The following SOX6 variants were observed in gnomAD, a reference collection of about 807,000 sequenced individuals.
SOX6 encodes transcription factor SOX-6.
SOX6 carries 11 observed loss-of-function variants against 97.8 expected under a neutral mutation model. That is an observed-to-expected ratio of 0.11 (90% CI 0.07 to 0.19). The LOEUF (loss-of-function observed/expected upper bound fraction) is 0.19. SOX6 is among the 10% of genes least tolerant of loss of function. The pLI is 1.00. For synonymous variants in SOX6, 360 were observed against 371.4 expected (o/e 0.97, Z 0.35); for missense variants, 810 against 1,039.5 (o/e 0.78, Z 3.04).
intron 6 of SOX6, among the ~76,000 whole-genome samples, chr11:16,130,854 A>G (rs751613777): frequency 3.3e-5 from 5 of 151,944 alleles, no homozygotes; most frequent in Non-Finnish European, 7.4e-5. Context: ...TAATGATGTC[A>G]AGATAATTCA....
chr11:16,738,237 T>G (rs1482473811), intron 1 of SOX6, among the ~76,000 whole-genome samples: 4 of 151,728 alleles, frequency 2.6e-5, no homozygotes, highest in Non-Finnish European at 5.9e-5. Flanking sequence ...GTAGAAGCCA[T>G]TTTTGGTTAA....
intron 10 of SOX6, among the ~76,000 whole-genome samples, chr11:16,051,835 A>G (rs1176436770): frequency 6.6e-6 from 1 of 152,028 alleles, no homozygotes; most frequent in Non-Finnish European, 1.5e-5. Flanking sequence ...CTGGGCCTCT[A>G]ATTGCATACA....
At chr11:16,709,120 G>A (rs764587036) in intron 3 of SOX6, among the ~76,000 whole-genome samples, 1 of 152,178 alleles carries the variant, frequency 6.6e-6, no homozygotes, top group Non-Finnish European at 1.5e-5. Flanking sequence ...TGTTGACAGA[G>A]GGGCCTGGTG....
intron 2 of SOX6, among the ~76,000 whole-genome samples, chr11:16,333,635 C>T (rs1023922850): frequency 6.6e-6 from 1 of 151,798 alleles, no homozygotes; most frequent in African/African-American, 2.4e-5. Flanking sequence ...ACATTTGAAT[C>T]CATTAAGAAA....
At chr11:16,402,093 GGT>G (rs2134443588) in intron 1 of SOX6, among the ~76,000 whole-genome samples, 1 of 151,378 alleles carries the variant, frequency 6.6e-6, no homozygotes, top group East Asian at 1.9e-4. Flanking sequence ...ACCCAGAAAG[GGT>G]GATTTGGTTT....
At chr11:16,005,575 C>T (rs1854525037) in intron 13 of SOX6, among the ~76,000 whole-genome samples, 3 of 152,022 alleles carry the variant, frequency 2.0e-5, no homozygotes, top group Admixed American at 2.0e-4. Flanking sequence ...GTCTGTAGCT[C>T]TCCAGCATGG....
At position 15,972,058 on chromosome 11, in the gene SOX6, A is replaced by G. The variant is rs1740226135; in HGVS notation, c.*751T>C. 2.0e-5 allele frequency: 3 copies of G among 152,854 alleles called. No homozygotes were observed. The highest frequency in any genetic ancestry group is 2.0e-4 in the Admixed American group (3 of 15,292). The allele number at this position is 152,854 out of a possible 1,614,324, so 9.5% of individuals were successfully genotyped here. ...TCAACAGGCAAACACAATTGGGTCCATGCACTGTGGCAACCTTGTTCATTC... is the reference window on the plus strand; with the variant it reads ...TCAACAGGCAAACACAATTGGGTCCGTGCACTGTGGCAACCTTGTTCATTC... On this transcript the variant is annotated 3_prime_UTR_variant, in exon 16 of 16. Coordinates refer to ENST00000683767, the MANE Select transcript of SOX6 (RefSeq NM_001367873.1).
chr11:16,234,584 T>C lies in SOX6; in HGVS notation c.533A>G (p.Lys178Arg). The change falls in exon 4 of 16, where the codon AAA becomes AGA. Residue 178 changes from lysine to arginine, a missense_variant and splice_region_variant. Around this residue, in one of 9 missense-constraint regions of SOX6, gnomAD observed 110 missense variants for 119.0 expected, o/e 0.92. Transcript: ENST00000683767. ...GTTCGATATATTTTATGTTGTACCT[T>C]TAATTTCTCCAAGAAGTTCACTGGT... is the stretch of plus-strand genomic sequence containing the variant. ...LNTSELLGEI[K>R]GTPESLAEKE... 12 of 1,559,196 alleles carry C rather than the reference T, an allele frequency of 7.7e-6. No homozygotes were observed. The highest frequency in any genetic ancestry group is 9.7e-6 in the Non-Finnish European group (11 of 1,134,098).
At chr11:16,353,509 A>C (rs775002266) in intron 1 of SOX6, among the ~76,000 whole-genome samples, 3 of 151,944 alleles carry the variant, frequency 2.0e-5, no homozygotes, top group Non-Finnish European at 2.9e-5. Context: ...ATACACACCA[A>C]ACAGTCTGGT....
chr11:16,005,535 A>G (rs1854523995), intron 13 of SOX6, among the ~76,000 whole-genome samples: 1 of 152,034 alleles, frequency 6.6e-6, no homozygotes, highest in Non-Finnish European at 1.5e-5. Flanking sequence ...GGGACATTTG[A>G]CAATTGTTTT....
chr11:16,472,563 C>T (rs1860156959), intron 1 of SOX6, among the ~76,000 whole-genome samples: 1 of 152,034 alleles, frequency 6.6e-6, no homozygotes, highest in Non-Finnish European at 1.5e-5. Flanking sequence ...ATAAGACTTA[C>T]ATCTAAAAAT....
intron 11 of SOX6, among the ~76,000 whole-genome samples, chr11:16,048,730 C>T (rs1847607844): frequency 6.6e-6 from 1 of 152,078 alleles, no homozygotes. Flanking sequence ...GACTTCAGGA[C>T]TCAATAATAC....
intron 6 of SOX6, among the ~76,000 whole-genome samples, chr11:16,132,497 A>C (rs202144332): frequency 0.077 from 7,391 of 96,218 alleles, 1,099 homozygotes; most frequent in Non-Finnish European, 0.083. Context: ...AGAAAGAAAG[A>C]AAGAAAGAAA....
chr11:16,543,307 C>T (rs369717754), intron 4 of SOX6, among the ~76,000 whole-genome samples: 6 of 151,840 alleles, frequency 4.0e-5, no homozygotes, highest in African/African-American at 1.2e-4. Flanking sequence ...CAAACTTTAA[C>T]GGTAATATCA....
intron 4 of SOX6, among the ~76,000 whole-genome samples, chr11:16,559,344 G>C (rs1445296539): frequency 6.6e-6 from 1 of 152,030 alleles, no homozygotes; most frequent in Non-Finnish European, 1.5e-5. Context: ...CAGCATCACA[G>C]TTCTAAAGAC....
intron 15 of SOX6, among the ~76,000 whole-genome samples, chr11:15,974,114 T>C (rs1853393524): frequency 6.6e-6 from 1 of 152,202 alleles, no homozygotes; most frequent in Admixed American, 6.5e-5. Flanking sequence ...TGAATTTGTT[T>C]CAAGTTGTCA....
chr11:16,183,570 G>A (rs1851395787), intron 6 of SOX6, among the ~76,000 whole-genome samples: 3 of 151,934 alleles, frequency 2.0e-5, no homozygotes. Flanking sequence ...AACAGAAAGT[G>A]GTCAGTGGCA....
In SOX6 at chr11:16,096,099, G is replaced by C; in HGVS notation, c.998C>G (p.Pro333Arg). 2 of 1,610,870 alleles carry C rather than the reference G, an allele frequency of 1.2e-6. No homozygotes were observed. The highest frequency in any genetic ancestry group is 2.2e-5 in the South Asian group (2 of 90,996). Residue 333 changes from proline to arginine, a missense_variant, in exon 9 of 16, where the codon CCA (proline) becomes CGA (arginine). By Grantham distance (103) the Pro-to-Arg change is moderately radical. Transcript: ENST00000683767. ...LQLQKGHVSH[P>R]QINQRLKGLS... ...GCCCTTTAGCCTTTGGTTAATTTGT[G>C]GGTGGGAGACATGACCCTTCTGTTT...
At chr11:16,206,358 A>G (rs558656416) in intron 4 of SOX6, among the ~76,000 whole-genome samples, 2 of 152,310 alleles carry the variant, frequency 1.3e-5, no homozygotes, top group East Asian at 3.9e-4. Flanking sequence ...CATTCTGTAT[A>G]TGAGGAAATA....
Sources: allele counts gnomAD v4.1 joint callset (sites outside exome capture counted in the v4.1 genomes callset), GRCh38; gene constraint gnomAD v4.1.1; regional missense constraint gnomAD v4.1.1; transcripts MANE v1.5; gene names NCBI Gene and HGNC (gene_info 2026-07-23, HGNC 2026-07-21).